The following PTPRN2 variants were observed in gnomAD, a reference collection of about 807,000 sequenced individuals.
PTPRN2 encodes receptor-type tyrosine-protein phosphatase N2.
Under a neutral mutation model 118.8 loss-of-function variants are expected in PTPRN2, and 74 were observed. The ratio of observed to expected loss-of-function variants is 0.62; its 90% confidence interval spans 0.52 to 0.76. The LOEUF is 0.76. PTPRN2 is among the 30% of genes least tolerant of loss of function. The pLI is 0.00. For synonymous variants in PTPRN2, 641 were observed against 608.0 expected, an observed-to-expected ratio of 1.05 and a Z score of -0.80; for missense variants, 1,481 against 1,394.4, an observed-to-expected ratio of 1.06 and a Z score of -0.99.
chr7:158,132,721 GA>G (rs1363788906), intron 9 of PTPRN2, among the ~76,000 whole-genome samples: 2 of 148,288 alleles, frequency 1.3e-5, no homozygotes, highest in Non-Finnish European at 3.0e-5. Flanking sequence ...CATACGCACA[GA>G]TACACATTTA....
At chr7:158,284,056 G>A (rs866436268) in intron 3 of PTPRN2, among the ~76,000 whole-genome samples, 4 of 152,184 alleles carry the variant, frequency 2.6e-5, no homozygotes, top group East Asian at 1.9e-4. Flanking sequence ...AGCTATATTC[G>A]ATGTCGTTGG....
At chr7:157,642,328 G>A (rs1804722198) in intron 14 of PTPRN2, among the ~76,000 whole-genome samples, 1 of 152,208 alleles carries the variant, frequency 6.6e-6, no homozygotes. Flanking sequence ...TTTCTGAACT[G>A]CTTGTGGAAT....
chr7:157,630,668 G>T (rs1803887590), intron 14 of PTPRN2, among the ~76,000 whole-genome samples: 1 of 152,206 alleles, frequency 6.6e-6, no homozygotes, highest in South Asian at 2.1e-4. Context: ...CCAACTCGAA[G>T]TGTGCCTGCA....
chr7:158,217,500 A>C (rs1245724488), intron 3 of PTPRN2, among the ~76,000 whole-genome samples: 1 of 152,208 alleles, frequency 6.6e-6, no homozygotes, highest in Non-Finnish European at 1.5e-5. Context: ...GAACATCAGC[A>C]CTCACAGATG....
intron 11 of PTPRN2, among the ~76,000 whole-genome samples, chr7:158,062,291 A>C (rs1585306923): frequency 6.6e-6 from 1 of 152,354 alleles, no homozygotes; most frequent in East Asian, 1.9e-4. Flanking sequence ...AGTCCTGTGG[A>C]CACCAGCCAG....
At chr7:158,128,065 C>A (rs1341825398) in intron 9 of PTPRN2, among the ~76,000 whole-genome samples, 1 of 152,192 alleles carries the variant, frequency 6.6e-6, no homozygotes, top group Non-Finnish European at 1.5e-5. Context: ...TGAGGTGACA[C>A]CGAGTTCTAA....
chr7:157,907,528 G>A (rs768209935), intron 11 of PTPRN2, among the ~76,000 whole-genome samples: 17 of 146,822 alleles, frequency 1.2e-4, no homozygotes, highest in South Asian at 4.4e-4. Flanking sequence ...TGTCCCTTGC[G>A]TGTGGGGTGT....
intron 12 of PTPRN2, among the ~76,000 whole-genome samples, chr7:157,718,919 G>T (rs1166177188): frequency 6.6e-6 from 1 of 152,130 alleles, no homozygotes; most frequent in Non-Finnish European, 1.5e-5. Flanking sequence ...AGGTGGCAGC[G>T]CTACTGTAGC....
At chr7:157,795,444 C>T (rs912685765) in intron 12 of PTPRN2, among the ~76,000 whole-genome samples, 2 of 152,262 alleles carry the variant, frequency 1.3e-5, no homozygotes, top group Non-Finnish European at 2.9e-5. Flanking sequence ...CTGGGAACCA[C>T]TGCTCTTTAA....
intron 20 of PTPRN2, among the ~76,000 whole-genome samples, chr7:157,569,580 A>T (rs1799660498): frequency 6.6e-6 from 1 of 152,270 alleles, no homozygotes; most frequent in Non-Finnish European, 1.5e-5. Flanking sequence ...TATAATTGGA[A>T]TATTTACCAT....
chr7:157,578,678 A>G (rs1377023422), intron 17 of PTPRN2, among the ~76,000 whole-genome samples: 2 of 152,266 alleles, frequency 1.3e-5, no homozygotes, highest in Non-Finnish European at 2.9e-5. Flanking sequence ...TAAAGCAAAT[A>G]CCAAATTGAT....
intron 11 of PTPRN2, among the ~76,000 whole-genome samples, chr7:157,992,953 G>T (rs1248934121): frequency 6.6e-6 from 1 of 152,248 alleles, no homozygotes. Flanking sequence ...GTCACTCCCA[G>T]TGGGGAGCTG....
At chr7:157,897,420 C>G (rs1320824194) in intron 12 of PTPRN2, among the ~76,000 whole-genome samples, 4 of 152,212 alleles carry the variant, frequency 2.6e-5, no homozygotes, top group African/African-American at 9.6e-5. Flanking sequence ...TCACCCTTCA[C>G]TGGGTGCTAA....
chr7:158,507,384 G>C (rs920632740), intron 1 of PTPRN2, among the ~76,000 whole-genome samples: 1 of 151,800 alleles, frequency 6.6e-6, no homozygotes, highest in African/African-American at 2.4e-5. Context: ...CCAGGGGACA[G>C]CCCCGCACTA....
At position 158,192,358 on chromosome 7, in the gene PTPRN2, G is replaced by A; in HGVS notation, c.518C>T (p.Thr173Ile). The A allele has an allele frequency of 1.3e-6, 2 of 1,520,716 alleles. No homozygotes were observed. Among genetic ancestry groups the A allele is most frequent in the Admixed American group, 2.6e-5 (1 of 38,232 alleles). The allele number at this position is 1,520,716 out of a possible 1,614,324, so 94.2% of individuals were successfully genotyped here. ...GGGGGGTCTGTCCTGCGCCGTATGG[G>A]TCCTGGCGAGCACGTCTGAGGCTGG... ...QAPASDVLAR[T>I]HTAQDRPPAE... Residue 173 changes from threonine to isoleucine, a missense_variant, in exon 5 of 23, where the codon ACC (threonine) becomes ATC (isoleucine). Thr to Ile is a moderately conservative substitution (Grantham distance 89, BLOSUM62 -1). Around this residue, in one of 3 missense-constraint regions of PTPRN2, gnomAD observed 1,115 missense variants for 994.2 expected, o/e 1.12. Transcript: ENST00000389418.
intron 3 of PTPRN2, among the ~76,000 whole-genome samples, chr7:158,316,180 T>C (rs2151092342): frequency 6.6e-6 from 1 of 152,270 alleles, no homozygotes; most frequent in East Asian, 1.9e-4. Flanking sequence ...ACTAGACGCT[T>C]ACTCCAGATG....
intron 11 of PTPRN2, among the ~76,000 whole-genome samples, chr7:158,054,751 C>T (rs527254241): frequency 3.4e-4 from 52 of 152,340 alleles, no homozygotes; most frequent in African/African-American, 1.1e-3. Flanking sequence ...TAGTGTGCCC[C>T]GTAGCACCGT....
chr7:158,165,569 C>T lies in PTPRN2; in HGVS notation c.910+1362G>A, dbSNP rs140171555. ...GAAAGAGCGAGGGCAGGAGAGCTCC[C>T]GGCTGCAGACAGCAGAGAAGCTGAT... is the stretch of plus-strand genomic sequence containing the variant. On this transcript the variant is annotated intron_variant, in intron 6 of 22. Coordinates refer to ENST00000389418, the MANE Select transcript of PTPRN2 (RefSeq NM_002847.5). Among the ~76,000 whole-genome samples, 479 of 152,370 alleles carry T rather than the reference C, an allele frequency of 3.1e-3. 3 individuals are homozygous for T. Among genetic ancestry groups the T allele is most frequent in the African/African-American group, 0.011 (447 of 41,600 alleles).
chr7:157,906,635 TAA>T lies in PTPRN2; in HGVS notation c.1724-7900_1724-7899del, dbSNP rs11302469. Among the ~76,000 whole-genome samples, 81 of 150,246 alleles carry T rather than the reference TAA, an allele frequency of 5.4e-4. 1 individual carries two copies. Among genetic ancestry groups the T allele is most frequent in the South Asian group, 3.0e-3 (14 of 4,712 alleles). On this transcript the variant is annotated intron_variant, in intron 11 of 22. Coordinates refer to ENST00000389418, the MANE Select transcript of PTPRN2 (RefSeq NM_002847.5). ...TCACTCAGGCCAAACCTAAAACTCC[TAA>T]AAAAAAAAAGGTTTAAACATTGCAA...
Sources: gnomAD v4.1 joint callset for allele counts (sites outside exome capture counted in the v4.1 genomes callset) on GRCh38, gnomAD v4.1.1 for gene constraint, gnomAD v4.1.1 regional missense constraint, MANE v1.5 for transcripts, NCBI Gene and HGNC (gene_info 2026-07-23, HGNC 2026-07-21) for gene names.